Variants in GALNT13 observed in about 807,000 individuals in gnomAD.
GALNT13 encodes UDP-GalNAc:polypeptide N-acetylgalactosaminyltransferase 13.
In GALNT13, 28 loss-of-function variants were observed where a neutral mutation model predicts 64.2. That is an observed-to-expected ratio of 0.44 (90% CI 0.32 to 0.60). GALNT13 has a LOEUF of 0.60. Ranked by LOEUF, GALNT13 falls within the 20% of genes least tolerant of loss-of-function variation. The pLI is 0.05. For missense variants in GALNT13, 577 were observed against 669.8 expected, an observed-to-expected ratio of 0.86 and a Z score of 1.53; for synonymous variants, 214 against 224.6, an observed-to-expected ratio of 0.95 and a Z score of 0.42.
chr2:154,413,552 T>C (rs2105403622), intron 11 of GALNT13, among the ~76,000 whole-genome samples: 1 of 152,104 alleles, frequency 6.6e-6, no homozygotes, highest in African/African-American at 2.4e-5. Flanking sequence ...TGTATCCCCA[T>C]CTGGTTTTCC....
the GALNT13 span, among the ~76,000 whole-genome samples, chr2:153,257,775 A>C: frequency 1.3e-5 from 2 of 152,342 alleles, no homozygotes; most frequent in African/African-American, 4.8e-5. Context: ...ATGGCAATAT[A>C]GTTATTTGTA....
At chr2:153,727,941 G>C in the GALNT13 span, among the ~76,000 whole-genome samples, 1 of 152,048 alleles carries the variant, frequency 6.6e-6, no homozygotes, top group East Asian at 1.9e-4. Context: ...TCCCCTCCCT[G>C]TGTCCATGTG....
intron 2 of GALNT13, among the ~76,000 whole-genome samples, chr2:153,903,749 T>C (rs1242752840): frequency 2.0e-5 from 3 of 152,052 alleles, no homozygotes. Context: ...ATTTTTCAAT[T>C]TCACCTACAT....
upstream of GALNT13, among the ~76,000 whole-genome samples, chr2:153,870,749 TTAATAG>T (rs147150312): frequency 2.1e-3 from 316 of 150,798 alleles, 2 homozygotes; most frequent in African/African-American, 7.0e-3. Context: ...TAGATTATGA[TTAATAG>T]TATCATATGT....
chr2:153,277,540 A>G, the GALNT13 span, among the ~76,000 whole-genome samples: 2 of 152,128 alleles, frequency 1.3e-5, no homozygotes, highest in African/African-American at 2.4e-5. Context: ...TTGGTAGAGT[A>G]ATTTATTTAC....
At position 154,366,793 on chromosome 2, in the gene GALNT13, C is replaced by T. The variant is rs77998763; in HGVS notation, c.1157-29198C>T. On this transcript the variant is annotated intron_variant, in intron 9 of 12. Transcript: ENST00000392825. ...AGTGATCACCAGAGAAGAGGGAAGG[C>T]GGAAAGTATAGTTACACAAAAAAGC... is the stretch of plus-strand genomic sequence containing the variant. Among the ~76,000 whole-genome samples, 269 of 152,082 alleles carry T rather than the reference C, an allele frequency of 1.8e-3. 1 individual carries two copies. Among genetic ancestry groups the T allele is most frequent in the East Asian group, 9.1e-3 (47 of 5,172 alleles).
At chr2:153,759,564 A>G in the GALNT13 span, among the ~76,000 whole-genome samples, 1 of 152,110 alleles carries the variant, frequency 6.6e-6, no homozygotes, top group Non-Finnish European at 1.5e-5. Context: ...GAGATTGATC[A>G]TATGGTTTTT....
chr2:153,126,030 T>C, the GALNT13 span, among the ~76,000 whole-genome samples: 1 of 152,072 alleles, frequency 6.6e-6, no homozygotes, highest in African/African-American at 2.4e-5. Flanking sequence ...CTAGTTCATT[T>C]ATTCCAGTGC....
chr2:154,086,507 A>G (rs1257600737), intron 3 of GALNT13, among the ~76,000 whole-genome samples: 1 of 150,690 alleles, frequency 6.6e-6, no homozygotes, highest in Non-Finnish European at 1.5e-5. Flanking sequence ...TTGATTTTAC[A>G]AACTTCTTCA....
At chr2:154,113,446 C>T (rs1703101240) in intron 3 of GALNT13, among the ~76,000 whole-genome samples, 1 of 152,314 alleles carries the variant, frequency 6.6e-6, no homozygotes, top group East Asian at 1.9e-4. Context: ...GTGTTGCCTC[C>T]AAAATACAAA....
the GALNT13 span, among the ~76,000 whole-genome samples, chr2:153,236,166 GA>G: frequency 6.6e-6 from 1 of 152,168 alleles, no homozygotes; most frequent in Non-Finnish European, 1.5e-5. Context: ...GGAACCTTCA[GA>G]AGAAAAGTTT....
the GALNT13 span, among the ~76,000 whole-genome samples, chr2:153,309,433 C>T: frequency 6.6e-6 from 1 of 152,112 alleles, no homozygotes; most frequent in Admixed American, 6.5e-5. Context: ...TAGAACATTG[C>T]TATGCTCCTT....
At chr2:154,317,749 C>T (rs929336558) in intron 9 of GALNT13, among the ~76,000 whole-genome samples, 6 of 152,034 alleles carry the variant, frequency 3.9e-5, no homozygotes. Context: ...CATTCACTCA[C>T]CACAGTGTCC....
intron 3 of GALNT13, among the ~76,000 whole-genome samples, chr2:154,091,268 G>T (rs1393944893): frequency 6.6e-6 from 1 of 151,812 alleles, no homozygotes; most frequent in African/African-American, 2.4e-5. Flanking sequence ...ATAAATTTAT[G>T]TACTTGTATA....
chr2:153,715,955 G>GTTAAGGA, the GALNT13 span, among the ~76,000 whole-genome samples: 2 of 151,914 alleles, frequency 1.3e-5, no homozygotes, highest in East Asian at 3.9e-4. Flanking sequence ...AGTTTTCTGG[G>GTTAAGGA]TTAAGGATTT....
chr2:153,422,656 AGG>A, the GALNT13 span, among the ~76,000 whole-genome samples: 1 of 149,816 alleles, frequency 6.7e-6, no homozygotes, highest in Non-Finnish European at 1.5e-5. Flanking sequence ...TAAGAGAGAG[AGG>A]CTTTAATGAA....
At chr2:153,567,793 T>G in the GALNT13 span, among the ~76,000 whole-genome samples, 1 of 152,244 alleles carries the variant, frequency 6.6e-6, no homozygotes, top group Non-Finnish European at 1.5e-5. Context: ...AAGAACTGAT[T>G]ATTTAAAAAA....
intron 9 of GALNT13, among the ~76,000 whole-genome samples, chr2:154,380,223 T>A (rs2105330244): frequency 6.6e-6 from 1 of 152,166 alleles, no homozygotes; most frequent in East Asian, 1.9e-4. Context: ...AAAAATTATA[T>A]GTTTTACCCA....
At chr2:153,977,821 C>A (rs1244831457) in intron 3 of GALNT13, among the ~76,000 whole-genome samples, 1 of 152,112 alleles carries the variant, frequency 6.6e-6, no homozygotes, top group Non-Finnish European at 1.5e-5. Context: ...ATGCCCTTTT[C>A]ATTAACTTTT....
Sources: gnomAD v4.1 joint callset for allele counts (sites outside exome capture counted in the v4.1 genomes callset) on GRCh38, gnomAD v4.1.1 for gene constraint, MANE v1.5 for transcripts, NCBI Gene and HGNC (gene_info 2026-07-23, HGNC 2026-07-21) for gene names.